CA5A: variants seen among roughly 807,000 people sequenced by gnomAD.
The protein encoded by CA5A is carbonic anhydrase 5A, also known as carbonic anhydrase 5A, mitochondrial.
Under a neutral mutation model 37.1 loss-of-function variants are expected in CA5A, and 28 were observed. The observed-to-expected ratio is 0.75, with a 90% CI of 0.56 to 1.03. CA5A has a LOEUF of 1.03. Among genes scored for constraint, CA5A ranks in the 50% least tolerant of loss-of-function variants. The pLI, the probability that CA5A is intolerant of heterozygous loss-of-function variation, is 0.00. For synonymous variants in CA5A, 171 were observed against 158.4 expected (o/e 1.08, Z -0.60); for missense variants, 444 against 399.9 (o/e 1.11, Z -0.94).
At chr16:87,902,995 C>G (rs1330204334) in intron 3 of CA5A, among the ~76,000 whole-genome samples, 5 of 152,028 alleles carry the variant, frequency 3.3e-5, no homozygotes, top group Admixed American at 1.3e-4. Flanking sequence ...CTCCCAGGCC[C>G]TTGACGAAGC....
At position 87,911,657 on chromosome 16, in the gene CA5A, C is replaced by T. The variant is rs759674370; in HGVS notation, c.341-6753G>A. 1.8e-4 allele frequency among the ~76,000 whole-genome samples: 27 copies of T among 152,116 alleles called. No homozygotes were observed. Among genetic ancestry groups the T allele is most frequent in the Non-Finnish European group, 2.8e-4 (19 of 68,024 alleles). On this transcript the variant is annotated intron_variant, in intron 2 of 6. Coordinates refer to ENST00000649794, the MANE Select transcript of CA5A (RefSeq NM_001739.2). The surrounding 1 kb of genome is among the most constrained non-coding windows in gnomAD (Gnocchi z 4.6). Reference sequence around the variant, plus strand: ...GCCACCTCCCCAGGCAGGCAGGGGCCGCAGCCACTGCAAGCCCCTGCCCAC... The same window carrying T: ...GCCACCTCCCCAGGCAGGCAGGGGCTGCAGCCACTGCAAGCCCCTGCCCAC...
intron 6 of CA5A, among the ~76,000 whole-genome samples, chr16:87,891,046 G>A (rs1035599700): frequency 2.0e-5 from 3 of 151,778 alleles, no homozygotes; most frequent in African/African-American, 7.3e-5. Context: ...TGGCTGCCTT[G>A]GCCTCTTTAA....
intron 1 of CA5A, among the ~76,000 whole-genome samples, chr16:87,931,476 C>A (rs2056404312): frequency 6.6e-6 from 1 of 152,190 alleles, no homozygotes; most frequent in African/African-American, 2.4e-5. Context: ...TGGGCCAAAA[C>A]CCTGGCGGCT....
At chr16:87,916,177 A>C (rs559319567) in intron 2 of CA5A, among the ~76,000 whole-genome samples, 12 of 142,352 alleles carry the variant, frequency 8.4e-5, no homozygotes, top group Admixed American at 2.1e-4. Context: ...CAAAAAAAAA[A>C]AAAACAAAAA....
At chr16:87,900,024 G>A (rs1038070620) in intron 5 of CA5A, among the ~76,000 whole-genome samples, 16 of 150,812 alleles carry the variant, frequency 1.1e-4, no homozygotes, top group Admixed American at 3.3e-4. Context: ...CTCAGTCCGC[G>A]GTGGCACTTC....
At chr16:87,904,542 C>G (rs372192968) in intron 3 of CA5A, among the ~76,000 whole-genome samples, 1 of 152,176 alleles carries the variant, frequency 6.6e-6, no homozygotes, top group African/African-American at 2.4e-5. Flanking sequence ...TGGCAAGTTC[C>G]GTAACCATTC....
intron 1 of CA5A, among the ~76,000 whole-genome samples, chr16:87,927,258 T>C (rs1567536829): frequency 6.6e-6 from 1 of 152,122 alleles, no homozygotes; most frequent in Non-Finnish European, 1.5e-5. Flanking sequence ...CCACAGGAAG[T>C]CTGGATAGAC....
chr16:87,915,714 A>C (rs1210062517), intron 2 of CA5A, among the ~76,000 whole-genome samples: 5 of 141,250 alleles, frequency 3.5e-5, no homozygotes, highest in African/African-American at 1.3e-4. Context: ...AAAAAAAAAA[A>C]GGAAAAACTA....
At chr16:87,923,330 A>G (rs570032927) in intron 2 of CA5A, among the ~76,000 whole-genome samples, 1 of 152,302 alleles carries the variant, frequency 6.6e-6, no homozygotes, top group South Asian at 2.1e-4. Context: ...CTGGAACCAC[A>G]GGTGTGCGCC....
intron 6 of CA5A, among the ~76,000 whole-genome samples, chr16:87,890,204 A>T (rs1485084067): frequency 6.6e-6 from 1 of 152,112 alleles, no homozygotes; most frequent in Non-Finnish European, 1.5e-5. Context: ...GCCATACAGC[A>T]GTGTTCTGAG....
At chr16:87,914,709 C>A (rs1434506337) in intron 2 of CA5A, among the ~76,000 whole-genome samples, 3 of 141,992 alleles carry the variant, frequency 2.1e-5, no homozygotes, top group Non-Finnish European at 3.1e-5. Flanking sequence ...GACGTGGGGG[C>A]GGGCGCAGGG....
chr16:87,894,788 G>C (rs1297741923), intron 5 of CA5A, among the ~76,000 whole-genome samples: 2 of 152,084 alleles, frequency 1.3e-5, no homozygotes, highest in African/African-American at 4.8e-5. Flanking sequence ...CTGAGACACA[G>C]GAACTGCTTT....
chr16:87,930,997 C>T (rs1233257046), intron 1 of CA5A, among the ~76,000 whole-genome samples: 1 of 151,824 alleles, frequency 6.6e-6, no homozygotes, highest in East Asian at 1.9e-4. Context: ...CCTCGGCCTC[C>T]CAAAGTGCTG....
chr16:87,893,141 TC>T (rs1405247944), intron 5 of CA5A: 89 of 517,318 alleles, frequency 1.7e-4, no homozygotes, highest in Middle Eastern at 1.7e-3. Flanking sequence ...TTTCTTTCTT[TC>T]TTTCTTTTTT....
At chr16:87,912,417 G>A (rs113553803) in intron 2 of CA5A, among the ~76,000 whole-genome samples, 1,779 of 152,356 alleles carry the variant, frequency 0.012, 37 homozygotes, top group African/African-American at 0.041. Flanking sequence ...TTCTCAAGGT[G>A]AGACCTGCAC....
chr16:87,911,202 C>T lies in CA5A; in HGVS notation c.341-6298G>A, dbSNP rs368005480. ...TCTGCTATCAGCAGGGCTGGTCCAC[C>T]GGGCAGCACTGGCCACTGTTGCCTC... On this transcript the variant is annotated intron_variant, in intron 2 of 6. Coordinates refer to ENST00000649794, the MANE Select transcript of CA5A (RefSeq NM_001739.2). This position sits in a 1 kb window ranked among gnomAD's most constrained non-coding sequence, Gnocchi z 4.6. 2.5e-3 allele frequency among the ~76,000 whole-genome samples: 383 copies of T among 152,140 alleles called. No homozygotes were observed. Among genetic ancestry groups the T allele is most frequent in the South Asian group, 0.012 (59 of 4,816 alleles).
At chr16:87,925,220 G>C in intron 2 of CA5A, among the ~76,000 whole-genome samples, 1 of 152,120 alleles carries the variant, frequency 6.6e-6, no homozygotes, top group Non-Finnish European at 1.5e-5. Flanking sequence ...TGATTCCCCA[G>C]GAAGAGTCAC....
At chr16:87,895,125 C>G (rs762761599) in intron 5 of CA5A, among the ~76,000 whole-genome samples, 4 of 152,152 alleles carry the variant, frequency 2.6e-5, no homozygotes, top group African/African-American at 9.7e-5. Context: ...TGGTGCACGC[C>G]TGTGGTCCCA....
At chr16:87,932,196 CT>C (rs947638499) in intron 1 of CA5A, among the ~76,000 whole-genome samples, 1 of 152,134 alleles carries the variant, frequency 6.6e-6, no homozygotes, top group African/African-American at 2.4e-5. Context: ...TCTACCCCCC[CT>C]CCCACGGCCG....
Sources: gnomAD v4.1 joint callset for allele counts (sites outside exome capture counted in the v4.1 genomes callset) on GRCh38, gnomAD v4.1.1 for gene constraint, Gnocchi (gnomAD v3.1) non-coding constraint, MANE v1.5 for transcripts, NCBI Gene and HGNC (gene_info 2026-07-23, HGNC 2026-07-21) for gene names.